CFAP95: variants seen among roughly 807,000 people sequenced by gnomAD.
CFAP95 encodes the protein cilia- and flagella-associated protein 95.
At chr9:69,826,012 T>C in the CFAP95 span, among the ~76,000 whole-genome samples, 1 of 152,240 alleles carries the variant, frequency 6.6e-6, no homozygotes, top group East Asian at 1.9e-4. Flanking sequence ...CTGTCTCCTA[T>C]AGGAAGAAAC....
At chr9:69,831,203 C>T in the CFAP95 span, among the ~76,000 whole-genome samples, 2 of 151,230 alleles carry the variant, frequency 1.3e-5, no homozygotes, top group Non-Finnish European at 2.9e-5. Flanking sequence ...AATATAATAC[C>T]ATTTATCTAT....
At chr9:69,839,357 C>T in the CFAP95 span, among the ~76,000 whole-genome samples, 1 of 150,266 alleles carries the variant, frequency 6.7e-6, no homozygotes, top group African/African-American at 2.5e-5. Context: ...GTGAATCCAT[C>T]TGGTCCTGGA....
chr9:69,898,538 A>G, the CFAP95 span, among the ~76,000 whole-genome samples: 2 of 152,224 alleles, frequency 1.3e-5, no homozygotes, highest in Non-Finnish European at 2.9e-5. Context: ...TGTTTACCAT[A>G]TGAAGGTAGG....
the CFAP95 span, among the ~76,000 whole-genome samples, chr9:69,822,784 G>A: frequency 7.9e-5 from 12 of 152,250 alleles, no homozygotes; most frequent in African/African-American, 2.9e-4. Context: ...AACGCTGTAA[G>A]TCATTCCAGC....
chr9:69,837,316 A>G, the CFAP95 span, among the ~76,000 whole-genome samples: 1 of 152,096 alleles, frequency 6.6e-6, no homozygotes, highest in African/African-American at 2.4e-5. Context: ...ACTGACTTCC[A>G]CAATGGTTGA....
chr9:69,889,068 A>G, the CFAP95 span, among the ~76,000 whole-genome samples: 1 of 152,212 alleles, frequency 6.6e-6, no homozygotes, highest in East Asian at 1.9e-4. Context: ...AACTATAGTA[A>G]GAAGGGAAAT....
At chr9:69,846,043 G>C in the CFAP95 span, among the ~76,000 whole-genome samples, 1 of 152,228 alleles carries the variant, frequency 6.6e-6, no homozygotes, top group Non-Finnish European at 1.5e-5. Context: ...CAGGAGAAGA[G>C]TAAGCTGGGC....
the CFAP95 span, among the ~76,000 whole-genome samples, chr9:69,891,433 C>G: frequency 4.0e-5 from 6 of 151,678 alleles, no homozygotes; most frequent in African/African-American, 1.2e-4. Context: ...CTAAAGCAAA[C>G]AAAGAAATAT....
chr9:69,901,433 G>A, the CFAP95 span, among the ~76,000 whole-genome samples: 13 of 152,048 alleles, frequency 8.5e-5, no homozygotes, highest in African/African-American at 3.1e-4. Context: ...CACCGCGCCC[G>A]GCCGGTGTTT....
chr9:69,826,412 G>A, the CFAP95 span, among the ~76,000 whole-genome samples: 1 of 152,160 alleles, frequency 6.6e-6, no homozygotes, highest in Non-Finnish European at 1.5e-5. Context: ...TGGAGACCAA[G>A]CTTGTGTTAC....
the CFAP95 span, among the ~76,000 whole-genome samples, chr9:69,857,667 G>C: frequency 6.6e-6 from 1 of 152,130 alleles, no homozygotes; most frequent in Admixed American, 6.5e-5. Flanking sequence ...TAGGGCTACA[G>C]GCACATGCTG....
At chr9:69,880,838 G>T in the CFAP95 span, among the ~76,000 whole-genome samples, 8 of 152,122 alleles carry the variant, frequency 5.3e-5, no homozygotes, top group East Asian at 1.5e-3. Flanking sequence ...CCTGTCTTGT[G>T]GATATAAGCC....
chr9:69,896,090 G>A, the CFAP95 span, among the ~76,000 whole-genome samples: 374 of 152,262 alleles, frequency 2.5e-3, no homozygotes, highest in African/African-American at 8.2e-3. Context: ...TAAAACTTTT[G>A]TAAGGAGAAA....
chr9:69,846,226 G>C, the CFAP95 span, among the ~76,000 whole-genome samples: 1 of 152,084 alleles, frequency 6.6e-6, no homozygotes, highest in East Asian at 1.9e-4. Flanking sequence ...CTCATATCGT[G>C]GGGGAAGTGA....
chr9:69,876,397 G>T, the CFAP95 span, among the ~76,000 whole-genome samples: 3 of 151,906 alleles, frequency 2.0e-5, no homozygotes, highest in African/African-American at 7.3e-5. Context: ...CTTGGGCCTG[G>T]TGATGCATGC....
At chr9:69,900,048 G>C in the CFAP95 span, among the ~76,000 whole-genome samples, 2 of 151,970 alleles carry the variant, frequency 1.3e-5, no homozygotes, top group African/African-American at 4.8e-5. Flanking sequence ...TGCATTTATT[G>C]GTATTAAATG....
At chr9:69,835,672 T>C in the CFAP95 span, among the ~76,000 whole-genome samples, 5 of 152,232 alleles carry the variant, frequency 3.3e-5, no homozygotes, top group Non-Finnish European at 5.9e-5. Context: ...TTAATGAGCA[T>C]TTACAATGTG....
the CFAP95 span, among the ~76,000 whole-genome samples, chr9:69,823,463 T>C: frequency 6.6e-6 from 1 of 152,230 alleles, no homozygotes; most frequent in African/African-American, 2.4e-5. Context: ...ACTAACTCTC[T>C]TGCTGTGTGT....
At chr9:69,838,286 G>A in the CFAP95 span, among the ~76,000 whole-genome samples, 11 of 152,244 alleles carry the variant, frequency 7.2e-5, no homozygotes, top group African/African-American at 2.6e-4. Context: ...TTGGTAGCTT[G>A]ATGGGGATGG....
Sources: gnomAD v4.1 joint callset for allele counts (sites outside exome capture counted in the v4.1 genomes callset) on GRCh38, gnomAD v4.1.1 for gene constraint, MANE v1.5 for transcripts, NCBI Gene and HGNC (gene_info 2026-07-23, HGNC 2026-07-21) for gene names.